Variants in GALNT17 observed in about 807,000 individuals in gnomAD.
The protein encoded by GALNT17 is UDP-GalNAc:polypeptide N-acetylgalactosaminyltransferase-like 3.
In GALNT17, 29 loss-of-function variants were observed where a neutral mutation model predicts 63.7. That is an observed-to-expected ratio of 0.46 (90% CI 0.34 to 0.62). The LOEUF is 0.62. Among genes scored for constraint, GALNT17 ranks in the 20% least tolerant of loss-of-function variants. The probability of loss-of-function intolerance (pLI) is 0.01; values close to 1 mark genes in which losing one functional copy is unlikely to be tolerated. For missense variants in GALNT17, 603 were observed against 799.6 expected, an observed-to-expected ratio of 0.75 and a Z score of 2.97; for synonymous variants, 305 against 318.3, an observed-to-expected ratio of 0.96 and a Z score of 0.45.
At chr7:71,331,762 T>A (rs2116066656) in intron 1 of GALNT17, among the ~76,000 whole-genome samples, 1 of 152,240 alleles carries the variant, frequency 6.6e-6, no homozygotes, top group South Asian at 2.1e-4. Flanking sequence ...AGTGTCCTCG[T>A]TTGTGAAACA....
intron 1 of GALNT17, among the ~76,000 whole-genome samples, chr7:71,152,081 T>C (rs1189154741): frequency 2.6e-5 from 4 of 152,212 alleles, no homozygotes; most frequent in Non-Finnish European, 4.4e-5. Context: ...CGTGTCGTTC[T>C]AAAATCCACT....
At chr7:71,423,028 C>G (rs2116460255) in intron 5 of GALNT17, among the ~76,000 whole-genome samples, 1 of 152,256 alleles carries the variant, frequency 6.6e-6, no homozygotes, top group East Asian at 1.9e-4. Flanking sequence ...TGCTAGCCTG[C>G]TGGTGTCTGC....
intron 4 of GALNT17, among the ~76,000 whole-genome samples, chr7:71,417,306 C>G (rs547348886): frequency 6.6e-6 from 1 of 152,156 alleles, no homozygotes; most frequent in Non-Finnish European, 1.5e-5. Context: ...CATGTGACCA[C>G]GTAAGAAACC....
chr7:71,496,794 G>C (rs549695457), intron 5 of GALNT17, among the ~76,000 whole-genome samples: 5 of 152,026 alleles, frequency 3.3e-5, no homozygotes, highest in East Asian at 1.9e-4. Context: ...GGTGGGGAGC[G>C]GGGGGCGGAG....
At chr7:71,663,167 C>G (rs1308112907) in intron 6 of GALNT17, among the ~76,000 whole-genome samples, 1 of 152,106 alleles carries the variant, frequency 6.6e-6, no homozygotes, top group Admixed American at 6.6e-5. Context: ...GTTGTTTTAG[C>G]TACTTGAGGT....
At chr7:71,461,660 T>A (rs894001333) in intron 5 of GALNT17, among the ~76,000 whole-genome samples, 1 of 152,174 alleles carries the variant, frequency 6.6e-6, no homozygotes, top group African/African-American at 2.4e-5. Context: ...AAATGAGACC[T>A]CCATTAACAT....
chr7:71,265,112 ATATATATTTTTTT>A (rs1467228585), intron 1 of GALNT17, among the ~76,000 whole-genome samples: 3 of 44,590 alleles, frequency 6.7e-5, no homozygotes, highest in East Asian at 1.2e-3. Context: ...ATATATATAT[ATATATATTTTTTT>A]TTTTTTTTTT....
chr7:71,317,057 A>G (rs926396790), intron 1 of GALNT17, among the ~76,000 whole-genome samples: 1 of 152,290 alleles, frequency 6.6e-6, no homozygotes, highest in Non-Finnish European at 1.5e-5. Flanking sequence ...GTTCACCTGC[A>G]CACACCTGCG....
At chr7:71,528,558 G>A (rs1193625276) in intron 5 of GALNT17, among the ~76,000 whole-genome samples, 2 of 152,112 alleles carry the variant, frequency 1.3e-5, no homozygotes, top group Non-Finnish European at 2.9e-5. Context: ...AGTACCTATG[G>A]GGTCCATGCT....
intron 1 of GALNT17, among the ~76,000 whole-genome samples, chr7:71,202,202 G>A (rs1301889876): frequency 6.6e-6 from 1 of 152,018 alleles, no homozygotes; most frequent in East Asian, 1.9e-4. Flanking sequence ...GGCAAAAGGA[G>A]CATAAAGTGC....
At chr7:71,527,807 TAC>T (rs1471950566) in intron 5 of GALNT17, among the ~76,000 whole-genome samples, 1 of 152,130 alleles carries the variant, frequency 6.6e-6, no homozygotes, top group Non-Finnish European at 1.5e-5. Flanking sequence ...CACACGCATA[TAC>T]ACACCATACA....
chr7:71,163,501 G>A (rs1562876870), intron 1 of GALNT17, among the ~76,000 whole-genome samples: 1 of 152,136 alleles, frequency 6.6e-6, no homozygotes, highest in Non-Finnish European at 1.5e-5. Flanking sequence ...AGTCTTTAAG[G>A]CCCCTTTTCC....
At chr7:71,236,913 CT>C (rs748419233) in intron 1 of GALNT17, among the ~76,000 whole-genome samples, 7 of 152,314 alleles carry the variant, frequency 4.6e-5, no homozygotes, top group African/African-American at 7.2e-5. Flanking sequence ...CTATTTTTGT[CT>C]GTGCTCCACG....
chr7:71,373,098 G>A (rs1468039513), intron 2 of GALNT17, among the ~76,000 whole-genome samples: 1 of 152,134 alleles, frequency 6.6e-6, no homozygotes, highest in Non-Finnish European at 1.5e-5. Flanking sequence ...TTATATTGAG[G>A]AAAAACTCAG....
Position 71,357,358 on chromosome 7 carries a change from T to C in GALNT17, c.422+21625T>C, listed in dbSNP as rs1317563022. Among the ~76,000 whole-genome samples the C allele has an allele frequency of 4.6e-5, 7 of 152,240 alleles. No homozygotes were observed. The East Asian group carries it at 5.8e-4, about 13-fold the overall frequency. ...CTGTGCATGCATTGCACGCTCCTTA[T>C]GAAAATTTAATACCTTACGATCTGA... On this transcript the variant is annotated intron_variant, in intron 2 of 10. Coordinates refer to ENST00000333538, the MANE Select transcript of GALNT17 (RefSeq NM_022479.3).
At chr7:71,361,805 A>G (rs1022499633) in intron 2 of GALNT17, among the ~76,000 whole-genome samples, 1 of 151,978 alleles carries the variant, frequency 6.6e-6, no homozygotes, top group African/African-American at 2.4e-5. Context: ...AGAGAGAGAG[A>G]GACAGAGAGA....
intron 5 of GALNT17, among the ~76,000 whole-genome samples, chr7:71,492,286 TAAA>T (rs1583999738): frequency 3.9e-5 from 6 of 152,084 alleles, no homozygotes; most frequent in African/African-American, 7.2e-5. Flanking sequence ...TCAAAATAAA[TAAA>T]TAAATTAATT....
intron 5 of GALNT17, among the ~76,000 whole-genome samples, chr7:71,570,048 TTTG>T (rs1436274209): frequency 1.3e-5 from 2 of 152,042 alleles, no homozygotes; most frequent in African/African-American, 4.8e-5. Flanking sequence ...TCTGGTGGGT[TTTG>T]TTTTTTTGGT....
At chr7:71,442,012 G>GCTGGGTCAAATGGTATTT (rs1787076317) in intron 5 of GALNT17, among the ~76,000 whole-genome samples, 1 of 152,086 alleles carries the variant, frequency 6.6e-6, no homozygotes, top group Non-Finnish European at 1.5e-5. Flanking sequence ...TAATGGGATT[G>GCTGGGTCAAATGGTATTT]CTGGGTCAAA....
Sources: allele counts gnomAD v4.1 joint callset (sites outside exome capture counted in the v4.1 genomes callset), GRCh38; gene constraint gnomAD v4.1.1; transcripts MANE v1.5; gene names NCBI Gene and HGNC (gene_info 2026-07-23, HGNC 2026-07-21).